The following SKAP1 variants were observed in gnomAD, a reference collection of about 807,000 sequenced individuals.
SKAP1 encodes src kinase-associated phosphoprotein 1.
SKAP1 carries 44 observed loss-of-function variants against 58.5 expected under a neutral mutation model. The ratio of observed to expected loss-of-function variants is 0.75; its 90% confidence interval spans 0.59 to 0.97. The LOEUF is 0.97. Ranked by LOEUF, SKAP1 falls within the 50% of genes least tolerant of loss-of-function variation. SKAP1 has a pLI of 0.00. For missense variants in SKAP1, 390 were observed against 435.2 expected, an observed-to-expected ratio of 0.90 and a Z score of 0.92; for synonymous variants, 127 against 149.7, an observed-to-expected ratio of 0.85 and a Z score of 1.11.
rs1240956539 is a variant in SKAP1, at chr17:48,389,355, G to A, written c.152+7325C>T. Among the ~76,000 whole-genome samples the A allele has an allele frequency of 5.3e-5, 8 of 152,182 alleles. No individual in the cohort carries two copies. The South Asian group carries it at 1.2e-3, about 24-fold the overall frequency. ...GGCCCTGGAAGGGACACCCTTCGAA[G>A]CCCAAAGAATCAAAGCTACTGCAAA... On this transcript the variant is annotated intron_variant, in intron 2 of 12. Transcript: ENST00000336915.
At chr17:48,298,311 G>A (rs563428168) in intron 4 of SKAP1, among the ~76,000 whole-genome samples, 3 of 152,228 alleles carry the variant, frequency 2.0e-5, no homozygotes, top group Admixed American at 6.5e-5. Context: ...CAGAAGCTGC[G>A]GGCAAAGCAG....
At chr17:48,257,970 C>CTTT (rs2065444425) in intron 4 of SKAP1, among the ~76,000 whole-genome samples, 1 of 151,908 alleles carries the variant, frequency 6.6e-6, no homozygotes, top group South Asian at 2.1e-4. Context: ...GAAAAGCGAC[C>CTTT]CAACATTAGA....
chr17:48,387,882 G>T (rs938054882), intron 2 of SKAP1, among the ~76,000 whole-genome samples: 1 of 152,032 alleles, frequency 6.6e-6, no homozygotes, highest in African/African-American at 2.4e-5. Context: ...TTGAATTTTA[G>T]CTCCTAATAA....
intron 4 of SKAP1, among the ~76,000 whole-genome samples, chr17:48,312,338 G>A (rs1025071187): frequency 1.3e-5 from 2 of 152,178 alleles, no homozygotes; most frequent in Non-Finnish European, 2.9e-5. Flanking sequence ...AAGTAATTAA[G>A]TAATTTGTTT....
chr17:48,368,566 C>A (rs1219801054), intron 2 of SKAP1, among the ~76,000 whole-genome samples: 1 of 152,220 alleles, frequency 6.6e-6, no homozygotes, highest in East Asian at 1.9e-4. Flanking sequence ...TTAATCTTCT[C>A]TTTGAAGCTT....
chr17:48,273,307 A>C (rs1293764639), intron 4 of SKAP1, among the ~76,000 whole-genome samples: 1 of 152,158 alleles, frequency 6.6e-6, no homozygotes, highest in African/African-American at 2.4e-5. Flanking sequence ...TAACTGACAT[A>C]TTTAATTTAT....
At chr17:48,185,569 C>T (rs373110425) in intron 6 of SKAP1, among the ~76,000 whole-genome samples, 1 of 152,060 alleles carries the variant, frequency 6.6e-6, no homozygotes, top group African/African-American at 2.4e-5. Context: ...TTTGTATCCT[C>T]ATTGTGTGGG....
At chr17:48,188,425 A>G (rs970017740) in intron 5 of SKAP1, among the ~76,000 whole-genome samples, 1 of 152,148 alleles carries the variant, frequency 6.6e-6, no homozygotes, top group African/African-American at 2.4e-5. Context: ...GGTGGCTCAC[A>G]TCTGTAATCC....
At chr17:48,139,591 AAAAAC>A (rs1044130551) in intron 11 of SKAP1, among the ~76,000 whole-genome samples, 68 of 152,326 alleles carry the variant, frequency 4.5e-4, no homozygotes, top group African/African-American at 1.4e-3. Flanking sequence ...TACTATTAGG[AAAAAC>A]AAAACAAAAG....
chr17:48,342,946 C>T (rs1264098966), intron 4 of SKAP1, among the ~76,000 whole-genome samples: 1 of 152,130 alleles, frequency 6.6e-6, no homozygotes, highest in African/African-American at 2.4e-5. Flanking sequence ...GATCCCACCA[C>T]TGCACTCTAG....
intron 2 of SKAP1, among the ~76,000 whole-genome samples, chr17:48,392,774 C>A (rs1161386219): frequency 1.3e-5 from 2 of 151,956 alleles, no homozygotes; most frequent in African/African-American, 2.4e-5. Flanking sequence ...GCACAAGAAT[C>A]GCCAGAACCT....
At chr17:48,147,690 C>G (rs1296532559) in intron 11 of SKAP1, among the ~76,000 whole-genome samples, 1 of 152,196 alleles carries the variant, frequency 6.6e-6, no homozygotes, top group Non-Finnish European at 1.5e-5. Context: ...AAGCTCAGCA[C>G]TTGGCTGAAA....
chr17:48,205,316 G>A (rs1054394947), intron 4 of SKAP1, among the ~76,000 whole-genome samples: 7 of 151,848 alleles, frequency 4.6e-5, no homozygotes, highest in Admixed American at 3.9e-4. Flanking sequence ...TAGCTATGTT[G>A]CCCAGGCTGG....
intron 4 of SKAP1, among the ~76,000 whole-genome samples, chr17:48,204,978 TTTCTTTCTTTCTTTC>T (rs1431933227): frequency 2.3e-5 from 1 of 43,500 alleles, no homozygotes; most frequent in South Asian, 8.9e-4. Flanking sequence ...TTTTCTTTTC[TTTCTTTCTTTCTTTC>T]TTTCTTTCTT....
chr17:48,306,651 A>C (rs1171233154), intron 4 of SKAP1, among the ~76,000 whole-genome samples: 1 of 152,228 alleles, frequency 6.6e-6, no homozygotes, highest in Non-Finnish European at 1.5e-5. Flanking sequence ...GTAGGTATTC[A>C]ACAAATGCTT....
intron 4 of SKAP1, among the ~76,000 whole-genome samples, chr17:48,271,974 A>C (rs2065639069): frequency 6.6e-6 from 1 of 152,212 alleles, no homozygotes; most frequent in South Asian, 2.1e-4. Context: ...ACTTCTTCTG[A>C]ATCTCAAAGT....
At chr17:48,270,655 T>G (rs1331087110) in intron 4 of SKAP1, among the ~76,000 whole-genome samples, 1 of 152,130 alleles carries the variant, frequency 6.6e-6, no homozygotes, top group Non-Finnish European at 1.5e-5. Flanking sequence ...TTTTTATTTT[T>G]TATCTTTTTA....
At chr17:48,273,315 T>C (rs964041730) in intron 4 of SKAP1, among the ~76,000 whole-genome samples, 1 of 152,232 alleles carries the variant, frequency 6.6e-6, no homozygotes, top group Non-Finnish European at 1.5e-5. Context: ...ATATTTAATT[T>C]ATTTATAATT....
chr17:48,205,091 TC>T (rs1396885295), intron 4 of SKAP1, among the ~76,000 whole-genome samples: 1 of 26,572 alleles, frequency 3.8e-5, no homozygotes, highest in African/African-American at 1.2e-4. Context: ...TCTTTCCTTC[TC>T]TCTCTCTCTC....
Sources: gnomAD v4.1 joint callset for allele counts (sites outside exome capture counted in the v4.1 genomes callset) on GRCh38, gnomAD v4.1.1 for gene constraint, MANE v1.5 for transcripts, NCBI Gene and HGNC (gene_info 2026-07-23, HGNC 2026-07-21) for gene names.